The following PLA2G4A variants were observed in gnomAD, a reference collection of about 807,000 sequenced individuals.
PLA2G4A encodes phospholipase A2 group IVA.
In PLA2G4A, 40 loss-of-function variants were observed where a neutral mutation model predicts 81.9. The ratio of observed to expected loss-of-function variants is 0.49; its 90% CI spans 0.38 to 0.64. The LOEUF (loss-of-function observed/expected upper bound fraction) is 0.64, where lower values mean the gene tolerates loss of function less well. Ranked by LOEUF, PLA2G4A falls within the 30% of genes least tolerant of loss-of-function variation. PLA2G4A has a pLI of 0.00. For missense variants in PLA2G4A, 715 were observed against 905.1 expected (o/e 0.79, Z 2.69); for synonymous variants, 302 against 296.9 (o/e 1.02, Z -0.18).
intron 3 of PLA2G4A, among the ~76,000 whole-genome samples, chr1:186,883,988 T>G (rs565545392): frequency 1.3e-5 from 2 of 152,144 alleles, no homozygotes. Flanking sequence ...TTCATTTTTT[T>G]AAGGATGCCC....
chr1:186,986,569 T>C (rs553353590), intron 17 of PLA2G4A, among the ~76,000 whole-genome samples: 2 of 152,362 alleles, frequency 1.3e-5, no homozygotes, highest in Admixed American at 6.5e-5. Context: ...ACACCTGGTG[T>C]GTTTATTTCT....
In PLA2G4A at chr1:186,928,926, G is replaced by T. The variant is rs186636890; in HGVS notation, c.559-3837G>T. ...AATATAACCCCAGACCTTCTCAGCAGCACTTACTTGATTCTCTTAGAATTA... is the reference window on the plus strand; with the variant it reads ...AATATAACCCCAGACCTTCTCAGCATCACTTACTTGATTCTCTTAGAATTA... On this transcript the variant is annotated intron_variant, in intron 7 of 17. Coordinates refer to ENST00000367466, the MANE Select transcript of PLA2G4A (RefSeq NM_024420.3). 4.6e-5 allele frequency among the ~76,000 whole-genome samples: 7 copies of T among 152,242 alleles called. No individual in the cohort carries two copies. The East Asian group carries it at 1.4e-3, about 29-fold the overall frequency.
chr1:186,987,088 T>C (rs552148178), intron 17 of PLA2G4A, among the ~76,000 whole-genome samples: 1 of 152,344 alleles, frequency 6.6e-6, no homozygotes, highest in African/African-American at 2.4e-5. Flanking sequence ...AAAGTTACTA[T>C]TAGAGAATAG....
intron 5 of PLA2G4A, among the ~76,000 whole-genome samples, chr1:186,899,375 A>G (rs1395817907): frequency 2.0e-5 from 3 of 152,140 alleles, no homozygotes; most frequent in Non-Finnish European, 4.4e-5. Context: ...GGGGAGCAGG[A>G]TCATTGCGGG....
intron 3 of PLA2G4A, 195 bp downstream of exon 3, chr1:186,870,711 G>T: frequency 1.4e-6 from 2 of 1,467,276 alleles, no homozygotes; most frequent in Non-Finnish European, 1.8e-6. Context: ...CCTTAAATTA[G>T]CCAAAGTGAC....
At chr1:186,918,908 C>T (rs1482137401) in intron 7 of PLA2G4A, among the ~76,000 whole-genome samples, 1 of 152,240 alleles carries the variant, frequency 6.6e-6, no homozygotes, top group Non-Finnish European at 1.5e-5. Context: ...AGTTTATCTG[C>T]TTCTTGTGCT....
chr1:186,842,446 A>G (rs1351036329), intron 1 of PLA2G4A, among the ~76,000 whole-genome samples: 1 of 152,142 alleles, frequency 6.6e-6, no homozygotes, highest in Admixed American at 6.5e-5. Context: ...GCTTTGTTTA[A>G]CTGCTGTGTT....
At chr1:186,915,545 G>T (rs533230988) in intron 7 of PLA2G4A, among the ~76,000 whole-genome samples, 2 of 152,174 alleles carry the variant, frequency 1.3e-5, no homozygotes, top group African/African-American at 4.8e-5. Flanking sequence ...AGCATAGACA[G>T]GGAAGCCCAG....
intron 14 of PLA2G4A, among the ~76,000 whole-genome samples, chr1:186,962,486 T>TTTTATTTTATTTTA (rs1553221216): frequency 1.5e-5 from 2 of 136,698 alleles, no homozygotes; most frequent in African/African-American, 6.0e-5. Context: ...AGTTATTTTA[T>TTTTATTTTATTTTA]TTTATTTATT....
intron 17 of PLA2G4A, 140 bp from the exon 18 acceptor site, chr1:186,988,237 T>A (rs1657953256): frequency 1.7e-6 from 1 of 594,950 alleles, no homozygotes; most frequent in Non-Finnish European, 2.9e-6. Flanking sequence ...TAAATGTGTA[T>A]GCATGACTCG....
chr1:186,898,341 A>G (rs1184976873), intron 5 of PLA2G4A, among the ~76,000 whole-genome samples: 1 of 152,184 alleles, frequency 6.6e-6, no homozygotes, highest in Non-Finnish European at 1.5e-5. Flanking sequence ...GTGTAAACAG[A>G]CAGATAATAA....
At chr1:186,837,491 A>T (rs1289679226) in intron 1 of PLA2G4A, among the ~76,000 whole-genome samples, 1 of 151,840 alleles carries the variant, frequency 6.6e-6, no homozygotes, top group Non-Finnish European at 1.5e-5. Flanking sequence ...GCACTTTGGG[A>T]GGCCGAGGCA....
chr1:186,940,243 T>C (rs1348961616), intron 10 of PLA2G4A, 149 bp downstream of exon 10: 2 of 655,256 alleles, frequency 3.1e-6, no homozygotes, highest in African/African-American at 3.6e-5. Context: ...AAGAAAATAT[T>C]AAGTGAGATG....
At chr1:186,868,071 C>CTT (rs59978011) in intron 2 of PLA2G4A, among the ~76,000 whole-genome samples, 2,637 of 112,720 alleles carry the variant, frequency 0.023, 170 homozygotes, top group African/African-American at 0.082. Context: ...GTGTATAATT[C>CTT]TTTTTTTTTT....
intron 1 of PLA2G4A, among the ~76,000 whole-genome samples, chr1:186,833,538 G>A (rs1043062098): frequency 1.3e-5 from 2 of 152,120 alleles, no homozygotes; most frequent in African/African-American, 4.8e-5. Flanking sequence ...GAACCAAAAG[G>A]TTGGTTCTGG....
At chr1:186,943,000 T>G (rs1656208829) in intron 10 of PLA2G4A, among the ~76,000 whole-genome samples, 1 of 152,182 alleles carries the variant, frequency 6.6e-6, no homozygotes, top group African/African-American at 2.4e-5. Context: ...TAGCTTTACT[T>G]GAGTTACTGG....
intron 2 of PLA2G4A, among the ~76,000 whole-genome samples, chr1:186,857,157 A>ACTATGTAATATATATTATT (rs1652599993): frequency 1.7e-5 from 1 of 57,680 alleles, no homozygotes; most frequent in Non-Finnish European, 3.2e-5. Context: ...ATAATTACAT[A>ACTATGTAATATATATTATT]ATATAATATA....
intron 7 of PLA2G4A, among the ~76,000 whole-genome samples, chr1:186,920,339 C>T (rs1655302327): frequency 6.6e-6 from 1 of 152,192 alleles, no homozygotes; most frequent in African/African-American, 2.4e-5. Context: ...TGTCCCCCCA[C>T]CGAGCAGGTC....
chr1:186,908,440 T>C (rs1380290440), intron 6 of PLA2G4A, among the ~76,000 whole-genome samples: 1 of 151,976 alleles, frequency 6.6e-6, no homozygotes, highest in Non-Finnish European at 1.5e-5. Context: ...CTAATTATGT[T>C]AGTGATTGAT....
Sources: gnomAD v4.1 joint callset for allele counts (sites outside exome capture counted in the v4.1 genomes callset) on GRCh38, gnomAD v4.1.1 for gene constraint, MANE v1.5 for transcripts, NCBI Gene and HGNC (gene_info 2026-07-23, HGNC 2026-07-21) for gene names.